Variants in BIN1 observed in about 807,000 individuals in gnomAD.
The protein encoded by BIN1 is bridging integrator 1, also known as myc box-dependent-interacting protein 1.
A neutral mutation model predicts 82.0 loss-of-function variants in BIN1; 53 were observed. The observed-to-expected ratio is 0.65, with a 90% CI of 0.52 to 0.81. The LOEUF is 0.81. Ranked by LOEUF, BIN1 falls within the 40% of genes least tolerant of loss-of-function variation. BIN1 has a pLI of 0.00. For synonymous variants in BIN1, 302 were observed against 328.0 expected (o/e 0.92, Z 0.86); for missense variants, 642 against 784.4 (o/e 0.82, Z 2.17).
intron 1 of BIN1, among the ~76,000 whole-genome samples, chr2:127,096,726 C>T (rs1275294614): frequency 2.0e-5 from 3 of 152,218 alleles, no homozygotes; most frequent in Non-Finnish European, 4.4e-5. Context: ...GGGGAGCTGC[C>T]ATGGGCCAAA....
At chr2:127,087,387 T>A (rs1678317399) in intron 1 of BIN1, among the ~76,000 whole-genome samples, 1 of 152,168 alleles carries the variant, frequency 6.6e-6, no homozygotes, top group Non-Finnish European at 1.5e-5. Flanking sequence ...CTCCCCGTCC[T>A]CTCTCTCATC....
chr2:127,101,710 A>G (rs1224423653), intron 1 of BIN1, among the ~76,000 whole-genome samples: 1 of 152,194 alleles, frequency 6.6e-6, no homozygotes, highest in Non-Finnish European at 1.5e-5. Context: ...CCAGAGACAG[A>G]AAAAAACTTA....
intron 7 of BIN1, among the ~76,000 whole-genome samples, chr2:127,065,399 C>A (rs1685028223): frequency 6.6e-6 from 1 of 152,158 alleles, no homozygotes; most frequent in African/African-American, 2.4e-5. Context: ...TACTGCCCCT[C>A]CTCCGTCTCC....
At chr2:127,106,783 C>G (rs917597789) in intron 1 of BIN1, 77 bp downstream of exon 1, 2 of 1,514,922 alleles carry the variant, frequency 1.3e-6, no homozygotes, top group Non-Finnish European at 8.9e-7. Context: ...GCCCCGGGGT[C>G]GGAGGATAGG....
Position 127,090,252 on chromosome 2 carries a change from G to C in BIN1, c.85-13546C>G, listed in dbSNP as rs1678748223. ...CATGGAAATCAACCAAACAGCTGAA[G>C]ACAGTGGCCATCGCAGCAAGGCCAG... On this transcript the variant is annotated intron_variant, in intron 1 of 18. Coordinates refer to ENST00000316724, the MANE Select transcript of BIN1 (RefSeq NM_139343.3). The surrounding 1 kb of genome is among the most constrained non-coding windows in gnomAD (Gnocchi z 6.4). 6.6e-6 allele frequency among the ~76,000 whole-genome samples: 1 copy of C among 152,212 alleles called. No homozygotes were observed. Among genetic ancestry groups the C allele is most frequent in the African/African-American group, 2.4e-5 (1 of 41,450 alleles).
At chr2:127,053,387 C>G (rs1489928428) in intron 14 of BIN1, 35 bp downstream of exon 14, 1 of 1,613,388 alleles carries the variant, frequency 6.2e-7, no homozygotes, top group East Asian at 2.2e-5. Context: ...AGTGGCTCCC[C>G]CAGGGGCTGG....
chr2:127,086,940 C>T lies in BIN1; in HGVS notation c.85-10234G>A, dbSNP rs552630644. 6.9e-4 allele frequency among the ~76,000 whole-genome samples: 105 copies of T among 152,298 alleles called. 1 individual carries two copies. The highest frequency in any genetic ancestry group is 2.4e-3 in the African/African-American group (100 of 41,566). On this transcript the variant is annotated intron_variant, in intron 1 of 18. Transcript: ENST00000316724. ...GTCCACAAAGACTCATCACACTTTT[C>T]CGTGGTCCCCTGCTCAGAAAGGCTG...
chr2:127,106,005 G>T (rs1447095758), intron 1 of BIN1, among the ~76,000 whole-genome samples: 1 of 152,260 alleles, frequency 6.6e-6, no homozygotes, highest in Non-Finnish European at 1.5e-5. Flanking sequence ...CTCAATCTCT[G>T]CATTTCCTGC....
At position 127,093,440 on chromosome 2, in the gene BIN1, A is replaced by G. The variant is rs1342870139; in HGVS notation, c.84+13420T>C. 6.6e-6 allele frequency among the ~76,000 whole-genome samples: 1 copy of G among 151,728 alleles called. No individual in the cohort carries two copies. On this transcript the variant is annotated intron_variant, in intron 1 of 18. Transcript: ENST00000316724. This position sits in a 1 kb window ranked among gnomAD's most constrained non-coding sequence, Gnocchi z 5.7. ...TAGTTCACTCTCTCCCACTCCCTTC[A>G]CCCCTGAAGACCCTCATTCCACAGG...
rs1458308545 is a variant in BIN1 at position 127,070,593 on chromosome 2, G to A, written c.275C>T (p.Pro92Leu). 6.2e-7 allele frequency: 1 copy of A among 1,614,086 alleles called. No homozygotes were observed. The highest frequency in any genetic ancestry group is 2.2e-5 in the East Asian group (1 of 44,872). The change falls in exon 4 of 19, where the codon CCC (proline) becomes CTC (leucine). Residue 92 changes from proline (P) to leucine (L), a missense_variant. Pro to Leu is a moderately conservative substitution (Grantham distance 98). Transcript: ENST00000316724. ...LNECLQEVYE[P>L]DWPGRDEANK... ...TGCCTCATCCCTGCCGGGCCAATCG[G>A]GCTCATACACCTCCTGCAGACACTC...
chr2:127,063,183 T>A (rs967325744), intron 9 of BIN1, among the ~76,000 whole-genome samples: 1 of 152,232 alleles, frequency 6.6e-6, no homozygotes, highest in Non-Finnish European at 1.5e-5. Context: ...CTCAAAAGCA[T>A]GGGAGAAAAA....
intron 1 of BIN1, among the ~76,000 whole-genome samples, chr2:127,106,063 T>A (rs1411169338): frequency 6.6e-6 from 1 of 152,114 alleles, no homozygotes; most frequent in Non-Finnish European, 1.5e-5. Context: ...CCATTCCAGC[T>A]CTCCGCGAGG....
At chr2:127,071,695 T>G (rs1229798866) in intron 2 of BIN1, among the ~76,000 whole-genome samples, 1 of 152,110 alleles carries the variant, frequency 6.6e-6, no homozygotes, top group African/African-American at 2.4e-5. Flanking sequence ...TGCAGAAGTT[T>G]CCAGAAGCCA....
intron 1 of BIN1, among the ~76,000 whole-genome samples, chr2:127,081,041 G>A (rs1687227633): frequency 6.6e-6 from 1 of 152,212 alleles, no homozygotes; most frequent in Non-Finnish European, 1.5e-5. Context: ...CAGTGAGAGG[G>A]CAGAAGGCCC....
intron 1 of BIN1, among the ~76,000 whole-genome samples, chr2:127,085,038 GC>G (rs922016956): frequency 7.0e-6 from 1 of 143,548 alleles, no homozygotes; most frequent in Non-Finnish European, 1.5e-5. Context: ...TCCATCCCCC[GC>G]CCCGCCCCAC....
chr2:127,048,203 C>T lies in BIN1; in HGVS notation c.*323G>A. 1 of 401,732 alleles carries T rather than the reference C, an allele frequency of 2.5e-6. No homozygotes were observed. Among genetic ancestry groups the T allele is most frequent in the East Asian group, 5.6e-5 (1 of 17,754 alleles). The allele number at this position is 401,732 out of a possible 1,614,324, so 24.9% of individuals were successfully genotyped here. On this transcript the variant is annotated 3_prime_UTR_variant, in exon 19 of 19. Transcript: ENST00000316724. Reference sequence around the variant, plus strand: ...CCTTGCCCGGGTGGCGCGGCCGAAGCTTCAGGCAAGCATGGTGGCTCGGCA... The same window carrying T: ...CCTTGCCCGGGTGGCGCGGCCGAAGTTTCAGGCAAGCATGGTGGCTCGGCA...
At chr2:127,080,810 G>A (rs903515147) in intron 1 of BIN1, among the ~76,000 whole-genome samples, 2 of 152,206 alleles carry the variant, frequency 1.3e-5, no homozygotes, top group Non-Finnish European at 1.5e-5. Context: ...GTGTGAACCC[G>A]TGGCCAGCTC....
At position 127,090,265 on chromosome 2, in the gene BIN1, G is replaced by A. The variant is rs954000691; in HGVS notation, c.85-13559C>T. On this transcript the variant is annotated intron_variant, in intron 1 of 18. Transcript: ENST00000316724. This position sits in a 1 kb window ranked among gnomAD's most constrained non-coding sequence, Gnocchi z 6.4. ...CAAACAGCTGAAGACAGTGGCCATCGCAGCAAGGCCAGCCTGGTGCAACCC... is the reference window on the plus strand; with the variant it reads ...CAAACAGCTGAAGACAGTGGCCATCACAGCAAGGCCAGCCTGGTGCAACCC... 2.0e-5 allele frequency among the ~76,000 whole-genome samples: 3 copies of A among 152,214 alleles called. No homozygotes were observed. Among genetic ancestry groups the A allele is most frequent in the Admixed American group, 6.5e-5 (1 of 15,282 alleles).
rs747201560 is a variant in BIN1, at chr2:127,057,652, C to G, written c.1003-51G>C. On this transcript the variant is annotated intron_variant, in intron 11 of 18. Coordinates refer to ENST00000316724, the MANE Select transcript of BIN1 (RefSeq NM_139343.3). This position sits in a 1 kb window ranked among gnomAD's most constrained non-coding sequence, Gnocchi z 5.0. ...CCGCGCGGGAAGGCACAGCAGAGCA[C>G]GGGGTTTGGGGGAGACAGACAGAGA... is the stretch of plus-strand genomic sequence containing the variant. 6.1e-6 allele frequency: 9 copies of G among 1,468,744 alleles called. No individual in the cohort carries two copies. In the Admixed American group the frequency reaches 2.1e-4, roughly 34 times the overall value. The allele number at this position is 1,468,744 out of a possible 1,614,324, so 91.0% of individuals were successfully genotyped here.
Sources: allele counts gnomAD v4.1 joint callset (sites outside exome capture counted in the v4.1 genomes callset), GRCh38; gene constraint gnomAD v4.1.1; non-coding constraint Gnocchi (gnomAD v3.1); transcripts MANE v1.5; gene names NCBI Gene and HGNC (gene_info 2026-07-23, HGNC 2026-07-21).